The following ORC3 variants were observed in gnomAD, a reference collection of about 807,000 sequenced individuals.
ORC3 encodes homolog of latheo, Drosophila.
ORC3 carries 78 observed loss-of-function variants against 100.7 expected under a neutral mutation model. The ratio of observed to expected loss-of-function variants is 0.77; its 90% CI spans 0.65 to 0.94. The LOEUF is 0.94. Ranked by LOEUF, ORC3 falls within the 40% of genes least tolerant of loss-of-function variation. The probability of loss-of-function intolerance (pLI) is 0.00; values close to 1 mark genes in which losing one functional copy is unlikely to be tolerated. For missense variants in ORC3, 789 were observed against 823.9 expected (o/e 0.96, Z 0.52); for synonymous variants, 295 against 289.3 (o/e 1.02, Z -0.20).
chr6:87,629,019 A>G (rs896241530), intron 11 of ORC3, among the ~76,000 whole-genome samples: 4 of 152,196 alleles, frequency 2.6e-5, no homozygotes, highest in African/African-American at 9.7e-5. Flanking sequence ...AGGTAGGAAT[A>G]TGGAGAACAA....
At chr6:87,593,113 A>C (rs1264194959) in intron 1 of ORC3, among the ~76,000 whole-genome samples, 1 of 151,264 alleles carries the variant, frequency 6.6e-6, no homozygotes, top group Admixed American at 6.6e-5. Flanking sequence ...ACAAACAAAC[A>C]AAAAAAAACT....
chr6:87,605,962 A>C lies in ORC3; in HGVS notation c.368A>C (p.Glu123Ala). The C allele has an allele frequency of 2.5e-6, 4 of 1,610,942 alleles. No individual in the cohort carries two copies. The highest frequency in any genetic ancestry group is 3.4e-6 in the Non-Finnish European group (4 of 1,177,260). Residue 123 changes from glutamate (E) to alanine (A), a missense_variant, in exon 5 of 20, where the codon GAG becomes GCG. Glu to Ala is a moderately radical substitution (Grantham distance 107, BLOSUM62 -1). Transcript: ENST00000392844. Reference protein sequence around the residue: ...DHDLTFGSLTEALQNNVTPYV... With the variant: ...DHDLTFGSLTAALQNNVTPYV... ...GATTTGACATTCGGAAGTCTAACAG[A>C]GGCCCTTCAGAATAATGTCACACCA...
chr6:87,658,777 CAT>C (rs1292844320), intron 16 of ORC3, among the ~76,000 whole-genome samples: 1 of 152,174 alleles, frequency 6.6e-6, no homozygotes, highest in African/African-American at 2.4e-5. Flanking sequence ...CAGTGCACCT[CAT>C]TATCAGCACT....
intron 16 of ORC3, among the ~76,000 whole-genome samples, chr6:87,660,733 C>G (rs994585043): frequency 3.9e-5 from 6 of 152,220 alleles, no homozygotes; most frequent in Non-Finnish European, 8.8e-5. Context: ...TCCTTCAGAA[C>G]CACCTCTTTC....
chr6:87,622,090 G>A, intron 11 of ORC3, 77 bp downstream of exon 11: 1 of 934,476 alleles, frequency 1.1e-6, no homozygotes, highest in East Asian at 2.5e-5. Flanking sequence ...CATTTATTGA[G>A]TTAATAAAAC....
At chr6:87,642,596 T>C (rs1245306407) in intron 13 of ORC3, among the ~76,000 whole-genome samples, 2 of 143,912 alleles carry the variant, frequency 1.4e-5, no homozygotes, top group African/African-American at 5.2e-5. Flanking sequence ...AATAAATAAA[T>C]AAAATGAAAA....
intron 7 of ORC3, among the ~76,000 whole-genome samples, 176 bp from the exon 8 acceptor site, chr6:87,611,913 C>A (rs1193038240): frequency 1.3e-5 from 2 of 152,112 alleles, no homozygotes; most frequent in Non-Finnish European, 2.9e-5. Flanking sequence ...GTAATTATTT[C>A]TCTGTTTAAT....
rs1300168948 is a variant in ORC3, at chr6:87,664,740, T to A, written c.1834-3T>A. 1 of 1,610,918 alleles carries A rather than the reference T, an allele frequency of 6.2e-7. No homozygotes were observed. The highest frequency in any genetic ancestry group is 8.5e-7 in the Non-Finnish European group (1 of 1,177,082). On this transcript the variant is annotated splice_region_variant and splice_polypyrimidine_tract_variant and intron_variant, in intron 17 of 19. Transcript: ENST00000392844. ...GTCATCTTAGTTTACTGTTAATTGT[T>A]AGAATGAAGCACTGAAAAGCGAAGA... is the stretch of plus-strand genomic sequence containing the variant.
chr6:87,675,674 G>C, the ORC3 span: 1 of 1,592,848 alleles, frequency 6.3e-7, no homozygotes, highest in East Asian at 2.3e-5. Flanking sequence ...ACTAGATCTT[G>C]ATTCCCAATT....
At chr6:87,606,166 C>T in intron 5 of ORC3, 145 bp downstream of exon 5, 2 of 547,530 alleles carry the variant, frequency 3.7e-6, no homozygotes, top group Non-Finnish European at 6.5e-6. Flanking sequence ...TTTGGGGGCT[C>T]TCAGAGTAAT....
chr6:87,621,542 A>G lies in ORC3; in HGVS notation c.1121+55A>G. The G allele has an allele frequency of 2.5e-6, 3 of 1,194,220 alleles. 1 individual carries two copies. In the South Asian group the frequency reaches 5.9e-5, roughly 23 times the overall value. 74.0% of individuals were successfully genotyped at this position (1,194,220 alleles called of 1,614,324 possible). A position where few individuals can be genotyped will look rare whatever the true frequency, so the allele number is the denominator to read the frequency against. ...ACTATACTAGAATTTGGTACTAAAT[A>G]AGAGATCTCAGATCCAGTTATTTCT... On this transcript the variant is annotated intron_variant, in intron 10 of 19. Coordinates refer to ENST00000392844, the MANE Select transcript of ORC3 (RefSeq NM_012381.4).
chr6:87,663,977 A>G (rs1286260822), intron 17 of ORC3, among the ~76,000 whole-genome samples: 1 of 152,202 alleles, frequency 6.6e-6, no homozygotes, highest in Non-Finnish European at 1.5e-5. Flanking sequence ...GAGTAGGACG[A>G]TATAAGTCAA....
intron 16 of ORC3, among the ~76,000 whole-genome samples, chr6:87,658,592 G>T (rs1203566338): frequency 6.6e-6 from 1 of 152,192 alleles, no homozygotes. Flanking sequence ...TAGGTCAGGT[G>T]GGGAGAGATG....
At position 87,594,423 on chromosome 6, in the gene ORC3, A is replaced by G; in HGVS notation, c.79+16A>G. 1 of 1,554,546 alleles carries G rather than the reference A, an allele frequency of 6.4e-7. No homozygotes were observed. The highest frequency in any genetic ancestry group is 8.8e-7 in the Non-Finnish European group (1 of 1,141,670). On this transcript the variant is annotated intron_variant, in intron 2 of 19. Transcript: ENST00000392844. The stretch of plus-strand genomic sequence containing the variant: ...CTGCCAATAGGTAAGGTGTCTGAAT[A>G]TTAAATTTTTTATTCCCTACCTTCT...
intron 11 of ORC3, among the ~76,000 whole-genome samples, chr6:87,623,642 A>T (rs1206444446): frequency 2.0e-5 from 3 of 151,604 alleles, no homozygotes; most frequent in Non-Finnish European, 4.4e-5. Context: ...CCAGCACTCT[A>T]TGAGGCCTGG....
In ORC3 at chr6:87,634,874, G is replaced by A; in HGVS notation, c.1215G>A (p.Leu405=). ...KEETQLLLEN[L]HVYHMNYFLV... ...AAACACAATTATTACTAGAAAACCT[G>A]CATGTTTATCATATGAATTACTTCC... Residue 405 remains leucine, a synonymous_variant, in exon 12 of 20, where the codon CTG becomes CTA. Transcript: ENST00000392844. 1 of 1,585,690 alleles carries A rather than the reference G, an allele frequency of 6.3e-7. No homozygotes were observed. The highest frequency in any genetic ancestry group is 1.1e-5 in the South Asian group (1 of 90,544).
At chr6:87,676,371 C>A in the ORC3 span, among the ~76,000 whole-genome samples, 1 of 135,924 alleles carries the variant, frequency 7.4e-6, no homozygotes, top group Admixed American at 8.4e-5. Flanking sequence ...GAGGCTGAGG[C>A]AGGAGAATGG....
downstream of ORC3, among the ~76,000 whole-genome samples, chr6:87,669,077 A>G (rs1770777148): frequency 6.6e-6 from 1 of 152,258 alleles, no homozygotes; most frequent in African/African-American, 2.4e-5. Flanking sequence ...GAATCGCTTA[A>G]ACCCAGAAGG....
At chr6:87,642,578 G>A (rs185570280) in intron 13 of ORC3, among the ~76,000 whole-genome samples, 4 of 151,932 alleles carry the variant, frequency 2.6e-5, no homozygotes, top group South Asian at 2.1e-4. Context: ...GCAAGACTCC[G>A]TCCCAAAAAT....
Sources: allele counts gnomAD v4.1 joint callset (sites outside exome capture counted in the v4.1 genomes callset), GRCh38; gene constraint gnomAD v4.1.1; transcripts MANE v1.5; gene names NCBI Gene and HGNC (gene_info 2026-07-23, HGNC 2026-07-21).